ASXL1: variants seen among roughly 807,000 people sequenced by gnomAD.
ASXL1 encodes the protein polycomb group protein ASXL1.
Under a neutral mutation model 89.1 loss-of-function variants are expected in ASXL1, and 65 were observed. The observed-to-expected ratio is 0.73, with a 90% CI of 0.60 to 0.90. The LOEUF is 0.90. Ranked by LOEUF, ASXL1 falls within the 40% of genes least tolerant of loss-of-function variation. ASXL1 has a pLI of 0.00. For missense variants in ASXL1, 1,786 were observed against 1,942.9 expected, an observed-to-expected ratio of 0.92 and a Z score of 1.52; for synonymous variants, 739 against 746.9, an observed-to-expected ratio of 0.99 and a Z score of 0.17.
At chr20:32,358,868 C>CG (rs1192611934) in intron 1 of ASXL1, 36 bp downstream of exon 1, 6 of 696,962 alleles carry the variant, frequency 8.6e-6, no homozygotes, top group Middle Eastern at 3.9e-4. Flanking sequence ...CCGTGGGGCC[C>CG]GGGGTGGGGG....
At chr20:32,368,197 T>C (rs891901445) in intron 3 of ASXL1, among the ~76,000 whole-genome samples, 9 of 152,178 alleles carry the variant, frequency 5.9e-5, no homozygotes, top group Non-Finnish European at 1.3e-4. Context: ...AGCACTAATA[T>C]GCTAGTGCCA....
rs1398631312 is a variant in ASXL1 at position 32,431,374 on chromosome 20, A to G, written c.772A>G (p.Ile258Val). The change falls in exon 9 of 13, where the codon ATT becomes GTT. Residue 258 changes from isoleucine (I) to valine (V), a missense_variant. Coordinates refer to ENST00000375687, the MANE Select transcript of ASXL1 (RefSeq NM_015338.6). ...EEIDFETPGS[I>V]LVNTNLRALI... ...AATAGATTTTGAGACACCTGGGTCCATTCTTGTCAACACCAACCTCCGTGC... is the reference window on the plus strand; with the variant it reads ...AATAGATTTTGAGACACCTGGGTCCGTTCTTGTCAACACCAACCTCCGTGC... 6 of 1,614,100 alleles carry G rather than the reference A, an allele frequency of 3.7e-6. No individual in the cohort carries two copies. Among genetic ancestry groups the G allele is most frequent in the East Asian group, 2.2e-5 (1 of 44,900 alleles).
chr20:32,359,152 C>G, intron 1 of ASXL1: 1 of 647,366 alleles, frequency 1.5e-6, no homozygotes. Context: ...TATTTGGCAG[C>G]GTCTGGGGGT....
intron 4 of ASXL1, among the ~76,000 whole-genome samples, chr20:32,375,874 G>T (rs4911091): frequency 0.35 from 53,513 of 151,744 alleles, 10,517 homozygotes; most frequent in East Asian, 0.74. Flanking sequence ...TAGAGATGGG[G>T]TTTTGTCATG....
chr20:32,374,456 TA>T (rs1251860153), intron 4 of ASXL1, among the ~76,000 whole-genome samples: 4 of 151,946 alleles, frequency 2.6e-5, no homozygotes, highest in African/African-American at 7.3e-5. Flanking sequence ...TGCACCTAAT[TA>T]AAAAAAATTT....
At chr20:32,410,023 A>G (rs2049017342) in intron 4 of ASXL1, among the ~76,000 whole-genome samples, 1 of 152,206 alleles carries the variant, frequency 6.6e-6, no homozygotes, top group South Asian at 2.1e-4. Context: ...TGTTTTTGAC[A>G]GGAATACCTC....
chr20:32,406,986 A>G (rs2048966630), intron 4 of ASXL1, among the ~76,000 whole-genome samples: 1 of 152,156 alleles, frequency 6.6e-6, no homozygotes, highest in Non-Finnish European at 1.5e-5. Flanking sequence ...GTTTGGGGGA[A>G]GAGAAGGGCA....
Position 32,436,605 on chromosome 20 carries a change from C to A in ASXL1, c.3893C>A (p.Thr1298Lys). The A allele has an allele frequency of 6.2e-7, 1 of 1,614,176 alleles. No homozygotes were observed. The highest frequency in any genetic ancestry group is 2.2e-5 in the East Asian group (1 of 44,884). ...GRALGDQSNVTGQGKKLFGSG... is the reference protein window; with the variant it reads ...GRALGDQSNVKGQGKKLFGSG... ...GCCCTGGGTGATCAGAGCAATGTTA[C>A]AGGCCAAGGGAAGAAGCTTTTTGGC... is the stretch of plus-strand genomic sequence containing the variant. The change falls in exon 13 of 13, where the codon ACA (threonine) becomes AAA (lysine). Residue 1298 changes from threonine to lysine, a missense_variant. Physicochemically the swap from Thr to Lys is moderately conservative, Grantham distance 78 (BLOSUM62 -1). Transcript: ENST00000375687.
At chr20:32,387,135 TAAAAAAAC>T (rs2048593185) in intron 4 of ASXL1, among the ~76,000 whole-genome samples, 1 of 151,312 alleles carries the variant, frequency 6.6e-6, no homozygotes, top group Non-Finnish European at 1.5e-5. Context: ...CCCCTTCTAC[TAAAAAAAC>T]AAAAAAACAA....
intron 4 of ASXL1, among the ~76,000 whole-genome samples, chr20:32,420,852 A>G (rs920153151): frequency 7.2e-5 from 11 of 152,228 alleles, no homozygotes; most frequent in Non-Finnish European, 1.6e-4. Context: ...AGATATGAAT[A>G]TGGCCAATAA....
intron 4 of ASXL1, among the ~76,000 whole-genome samples, chr20:32,399,747 CTTTTTTTTTTTT>C (rs369127811): frequency 1.8e-4 from 13 of 73,888 alleles, no homozygotes; most frequent in African/African-American, 5.4e-4. Context: ...ATATTTTACT[CTTTTTTTTTTTT>C]TTTTTTTTTT....
chr20:32,398,037 G>T (rs1423476762), intron 4 of ASXL1, among the ~76,000 whole-genome samples: 1 of 152,114 alleles, frequency 6.6e-6, no homozygotes, highest in African/African-American at 2.4e-5. Context: ...TTCGTTTGTA[G>T]CCTTATAGTA....
In ASXL1 at chr20:32,394,956, C is replaced by T. The variant is rs553880975; in HGVS notation, c.252+25833C>T. Among the ~76,000 whole-genome samples the T allele has an allele frequency of 3.9e-5, 6 of 152,048 alleles. No individual in the cohort carries two copies. The South Asian group carries it at 1.2e-3, about 32-fold the overall frequency. ...CTCGAACTCCTGAGCTCCAGTGATC[C>T]GCCTGTCTTGGCCTCCCAAAGTGCT... On this transcript the variant is annotated intron_variant, in intron 4 of 12. Coordinates refer to ENST00000375687, the MANE Select transcript of ASXL1 (RefSeq NM_015338.6).
intron 4 of ASXL1, 100 bp downstream of exon 4, chr20:32,369,223 T>G: frequency 1.8e-6 from 2 of 1,108,438 alleles, no homozygotes; most frequent in Non-Finnish European, 2.8e-6. Flanking sequence ...GAATTTGCAT[T>G]TCTCATATGC....
rs773591664 is a variant in ASXL1, at chr20:32,434,668, C to T, written c.1956C>T (p.Gly652=). The T allele has an allele frequency of 5.7e-5, 92 of 1,600,800 alleles. 3 individuals are homozygous for T. In the South Asian group the frequency reaches 9.2e-4, roughly 16 times the overall value. ...GGGGGPGGGG[G]GATDEGGGRG... is the part of the protein sequence containing the mutation. Reference sequence around the variant, plus strand: ...GGGGTGGCCCGGGTGGAGGTGGCGGCGGGGCCACCGATGAGGGAGGTGGCA... The same window carrying T: ...GGGGTGGCCCGGGTGGAGGTGGCGGTGGGGCCACCGATGAGGGAGGTGGCA... Residue 652 remains glycine, a synonymous_variant, in exon 13 of 13, where the codon GGC becomes GGT. Coordinates refer to ENST00000375687, the MANE Select transcript of ASXL1 (RefSeq NM_015338.6).
chr20:32,433,304 A>G lies in ASXL1; in HGVS notation c.1106A>G (p.Glu369Gly), dbSNP rs1382217601. The G allele has an allele frequency of 6.2e-7, 1 of 1,614,058 alleles. No individual in the cohort carries two copies. Among genetic ancestry groups the G allele is most frequent in the African/African-American group, 1.3e-5 (1 of 74,916 alleles). Residue 369 changes from glutamate to glycine, a missense_variant, in exon 12 of 13, where the codon GAG (glutamate) becomes GGG (glycine). Physicochemically the swap from Glu to Gly is moderately conservative, Grantham distance 98. Coordinates refer to ENST00000375687, the MANE Select transcript of ASXL1 (RefSeq NM_015338.6). ...TGCAGGCTGGGTTTGACCAAAGAAG[A>G]GTCATTGCAGCAGAACGTGGGCCAG... is the stretch of plus-strand genomic sequence containing the variant. The part of the protein sequence containing the change: ...YGQKLGLTKE[E>G]SLQQNVGQEE...
intron 4 of ASXL1, among the ~76,000 whole-genome samples, chr20:32,384,651 T>C (rs1396003361): frequency 6.6e-6 from 1 of 152,168 alleles, no homozygotes; most frequent in Non-Finnish European, 1.5e-5. Flanking sequence ...AACTTGATTG[T>C]TTTCAGGGCC....
At chr20:32,373,485 G>C (rs1396066451) in intron 4 of ASXL1, among the ~76,000 whole-genome samples, 2 of 152,122 alleles carry the variant, frequency 1.3e-5, no homozygotes, top group African/African-American at 4.8e-5. Context: ...ATTTTAGCTT[G>C]GTTAATTATG....
rs71299232 is a variant in ASXL1, at chr20:32,421,866, C to CTTTTTT, written c.253-6247_253-6242dup. 2.4e-3 allele frequency among the ~76,000 whole-genome samples: 249 copies of CTTTTTT among 105,170 alleles called. 1 individual carries two copies. Among genetic ancestry groups the CTTTTTT allele is most frequent in the East Asian group, 4.6e-3 (16 of 3,468 alleles). 69.0% of individuals were successfully genotyped at this position (105,170 alleles called of 152,430 possible). ...TGGGGTGAGAGGGGTGGTTTCTTTT[C>CTTTTTT]TTTTTTTTTTTTTTTTTTTTGAGAC... On this transcript the variant is annotated intron_variant, in intron 4 of 12. Coordinates refer to ENST00000375687, the MANE Select transcript of ASXL1 (RefSeq NM_015338.6).
Sources: gnomAD v4.1 joint callset for allele counts (sites outside exome capture counted in the v4.1 genomes callset) on GRCh38, gnomAD v4.1.1 for gene constraint, MANE v1.5 for transcripts, NCBI Gene and HGNC (gene_info 2026-07-23, HGNC 2026-07-21) for gene names.